Variants in PCDHA12 observed in about 807,000 individuals in gnomAD.
The protein encoded by PCDHA12 is protocadherin alpha 12.
PCDHA12 carries 44 observed loss-of-function variants against 60.0 expected under a neutral mutation model. The ratio of observed to expected loss-of-function variants is 0.73; its 90% CI spans 0.58 to 0.94. The LOEUF is 0.94. PCDHA12 is among the 40% of genes least tolerant of loss of function. The probability of loss-of-function intolerance (pLI) is 0.00; values close to 1 mark genes in which losing one functional copy is unlikely to be tolerated. For missense variants in PCDHA12, 1,276 were observed against 1,239.7 expected (o/e 1.03, Z -0.44); for synonymous variants, 569 against 553.0 (o/e 1.03, Z -0.40).
intron 1 of PCDHA12, chr5:140,928,551 G>A (rs782615304): frequency 2.5e-6 from 4 of 1,614,044 alleles, no homozygotes; most frequent in Non-Finnish European, 2.5e-6. Context: ...ACAATTATCC[G>A]GTTATCTTGT....
At chr5:140,902,437 T>A (rs2069464443) in intron 1 of PCDHA12, among the ~76,000 whole-genome samples, 3 of 152,154 alleles carry the variant, frequency 2.0e-5, no homozygotes, top group Admixed American at 2.0e-4. Context: ...GGCATCCTTG[T>A]CATATTCTAG....
At chr5:140,884,541 T>C (rs782267123) in intron 1 of PCDHA12, 17 of 1,613,862 alleles carry the variant, frequency 1.1e-5, no homozygotes, top group Non-Finnish European at 1.4e-5. Flanking sequence ...CGGCCGAGGG[T>C]GTGCTCTGGG....
At chr5:140,906,323 A>C (rs1487570044) in intron 1 of PCDHA12, among the ~76,000 whole-genome samples, 1 of 152,212 alleles carries the variant, frequency 6.6e-6, no homozygotes, top group Admixed American at 6.5e-5. Flanking sequence ...AACATGATAC[A>C]ACTATCCTTC....
intron 1 of PCDHA12, among the ~76,000 whole-genome samples, chr5:140,938,521 T>C (rs2092100005): frequency 6.6e-6 from 1 of 150,974 alleles, no homozygotes; most frequent in African/African-American, 2.4e-5. Context: ...TTTTCTGTTA[T>C]TGAATGGATA....
intron 1 of PCDHA12, among the ~76,000 whole-genome samples, chr5:140,914,765 T>A (rs2076829694): frequency 6.6e-6 from 1 of 152,080 alleles, no homozygotes. Flanking sequence ...TTACATGAGG[T>A]TTATGACTTA....
At position 141,009,759 on chromosome 5, in the gene PCDHA12, G is replaced by T. The variant is rs200822345; in HGVS notation, c.2648G>T (p.Gly883Val). The change falls in exon 4 of 4, where the codon GGA becomes GTA. Residue 883 changes from glycine to valine, a missense_variant. By Grantham distance (109) the Gly-to-Val change is moderately radical. Transcript: ENST00000398631. ...GELPDKFIIP[G>V]SPAIISIRQE... ...TTGCCCGACAAATTCATTATCCCAG[G>T]ATCTCCTGCAATCATCTCCATCCGG... The T allele has an allele frequency of 6.7e-5, 108 of 1,614,082 alleles. 1 individual carries two copies. The East Asian group carries it at 2.2e-3, about 33-fold the overall frequency.
intron 1 of PCDHA12, chr5:140,967,063 C>T (rs1554229129): frequency 6.2e-7 from 1 of 1,612,820 alleles, no homozygotes; most frequent in Non-Finnish European, 8.5e-7. Flanking sequence ...GTGGAGCGCT[C>T]TTCGTCAACG....
At chr5:140,948,708 C>T (rs1376587735) in intron 1 of PCDHA12, among the ~76,000 whole-genome samples, 1 of 151,114 alleles carries the variant, frequency 6.6e-6, no homozygotes, top group Non-Finnish European at 1.5e-5. Flanking sequence ...TGTGTTCTAT[C>T]CTCTTTTTTA....
chr5:140,985,128 G>C (rs908196925), intron 3 of PCDHA12, among the ~76,000 whole-genome samples: 1 of 152,056 alleles, frequency 6.6e-6, no homozygotes, highest in African/African-American at 2.4e-5. Context: ...TAGTAAAGAC[G>C]GGGTTTCACC....
intron 1 of PCDHA12, chr5:140,967,709 G>A (rs1554229820): frequency 3.1e-6 from 5 of 1,614,022 alleles, no homozygotes; most frequent in Admixed American, 3.3e-5. Flanking sequence ...TGCCAGTACC[G>A]GGGAAGTGCG....
chr5:140,999,011 A>G (rs2097843002), intron 3 of PCDHA12, among the ~76,000 whole-genome samples: 1 of 152,246 alleles, frequency 6.6e-6, no homozygotes, highest in Non-Finnish European at 1.5e-5. Flanking sequence ...CTGAGATTTG[A>G]ACCCAAGACT....
rs781792274 is a variant in PCDHA12 at position 140,927,895 on chromosome 5, G to C, written c.2367+50056G>C. ...GCTGGTGGAGGTGACTGACGTGAAC[G>C]ATCATGCCCCCGAACTGGACTTCCT... On this transcript the variant is annotated intron_variant, in intron 1 of 3. Coordinates refer to ENST00000398631, the MANE Select transcript of PCDHA12 (RefSeq NM_018903.4). The C allele has an allele frequency of 3.7e-6, 6 of 1,614,074 alleles. No homozygotes were observed. The South Asian group carries it at 6.6e-5, about 18-fold the overall frequency.
chr5:140,891,667 A>T (rs2153435107), intron 1 of PCDHA12, among the ~76,000 whole-genome samples: 1 of 152,286 alleles, frequency 6.6e-6, no homozygotes, highest in African/African-American at 2.4e-5. Flanking sequence ...CCCACCTTAA[A>T]GTTTAATAAT....
intron 3 of PCDHA12, among the ~76,000 whole-genome samples, chr5:141,007,395 C>CAAAAAAAA (rs35800918): frequency 4.0e-3 from 379 of 94,450 alleles, no homozygotes; most frequent in Non-Finnish European, 5.7e-3. Context: ...TACTAAAATA[C>CAAAAAAAA]AAAAAAAAAA....
chr5:141,009,760 A>G lies in PCDHA12; in HGVS notation c.2649A>G (p.Gly883=), dbSNP rs782167920. The change falls in exon 4 of 4, where the codon GGA becomes GGG. Residue 883 remains glycine, a synonymous_variant. Coordinates refer to ENST00000398631, the MANE Select transcript of PCDHA12 (RefSeq NM_018903.4). ...GELPDKFIIP[G]SPAIISIRQE... ...TGCCCGACAAATTCATTATCCCAGGATCTCCTGCAATCATCTCCATCCGGC... is the reference window on the plus strand; with the variant it reads ...TGCCCGACAAATTCATTATCCCAGGGTCTCCTGCAATCATCTCCATCCGGC... 6.2e-7 allele frequency: 1 copy of G among 1,614,130 alleles called. No homozygotes were observed. Among genetic ancestry groups the G allele is most frequent in the Non-Finnish European group, 8.5e-7 (1 of 1,180,026 alleles).
chr5:140,946,224 C>T (rs1450090999), intron 1 of PCDHA12, among the ~76,000 whole-genome samples: 1 of 151,786 alleles, frequency 6.6e-6, no homozygotes, highest in Non-Finnish European at 1.5e-5. Context: ...AACAGGTATA[C>T]TAAAAAATGC....
intron 3 of PCDHA12, among the ~76,000 whole-genome samples, chr5:140,992,490 G>A (rs2097515419): frequency 6.6e-6 from 1 of 152,196 alleles, no homozygotes; most frequent in Non-Finnish European, 1.5e-5. Flanking sequence ...AGGCCAATCT[G>A]TAAGGATTCA....
Position 140,925,641 on chromosome 5 carries a change from T to TATAATAATAATA in PCDHA12, c.2367+47828_2367+47839dup, listed in dbSNP as rs10569930. On this transcript the variant is annotated intron_variant, in intron 1 of 3. Coordinates refer to ENST00000398631, the MANE Select transcript of PCDHA12 (RefSeq NM_018903.4). ...TGCACATGTACCCTAGAACTTAAAG[T>TATAATAATAATA]ATAATAATAATAATAATAATAATAA... 2.2e-3 allele frequency among the ~76,000 whole-genome samples: 310 copies of TATAATAATAATA among 143,350 alleles called. 1 individual carries two copies. The highest frequency in any genetic ancestry group is 2.8e-3 in the East Asian group (14 of 4,930). 94.0% of individuals were successfully genotyped at this position (143,350 alleles called of 152,430 possible).
At chr5:140,901,297 T>C (rs1224181769) in intron 1 of PCDHA12, among the ~76,000 whole-genome samples, 1 of 152,234 alleles carries the variant, frequency 6.6e-6, no homozygotes, top group Non-Finnish European at 1.5e-5. Context: ...CAGACTGATG[T>C]TCCGGAGAGT....
Sources: gnomAD v4.1 joint callset for allele counts (sites outside exome capture counted in the v4.1 genomes callset) on GRCh38, gnomAD v4.1.1 for gene constraint, MANE v1.5 for transcripts, NCBI Gene and HGNC (gene_info 2026-07-23, HGNC 2026-07-21) for gene names.